DMD: variants seen among roughly 807,000 people sequenced by gnomAD.
DMD encodes mutant dystrophin.
DMD carries 63 observed loss-of-function variants against 330.1 expected under a neutral mutation model. The ratio of observed to expected loss-of-function variants is 0.19; its 90% CI spans 0.16 to 0.24. The LOEUF (loss-of-function observed/expected upper bound fraction) is 0.24. Among genes scored for constraint, DMD ranks in the 10% least tolerant of loss-of-function variants. DMD has a pLI of 1.00. For synonymous variants in DMD, 1,223 were observed against 959.8 expected (o/e 1.27, Z -5.07); for missense variants, 3,344 against 2,684.1 (o/e 1.25, Z -5.43).
intron 43 of DMD, among the ~76,000 whole-genome samples, chrX:32,250,098 T>G (rs974059916): frequency 8.9e-6 from 1 of 111,968 alleles, no homozygotes; most frequent in Non-Finnish European, 1.9e-5. Context: ...TATTTTCTGA[T>G]AGCAGAAATA....
chrX:32,624,977 C>A (rs895538844), intron 11 of DMD, among the ~76,000 whole-genome samples: 1 of 111,087 alleles, frequency 9.0e-6, no homozygotes, highest in Non-Finnish European at 1.9e-5. Flanking sequence ...TCGAAAGCAT[C>A]CTGGCCAACA....
chrX:31,366,485 AAAAAAAAAAAAC>A (rs2059247084), intron 60 of DMD, among the ~76,000 whole-genome samples: 1 of 100,680 alleles, frequency 9.9e-6, no homozygotes, highest in African/African-American at 3.7e-5. Context: ...AAAAAAAAAA[AAAAAAAAAAAAC>A]ATAAAAAAAA....
chrX:31,537,639 T>A (rs957190286), intron 55 of DMD, among the ~76,000 whole-genome samples: 1 of 111,230 alleles, frequency 9.0e-6, no homozygotes, highest in Non-Finnish European at 1.9e-5. Context: ...TGAAATAACA[T>A]GACATGACTT....
chrX:31,997,114 G>T (rs2150342778), intron 44 of DMD, among the ~76,000 whole-genome samples: 1 of 111,527 alleles, frequency 9.0e-6, no homozygotes, highest in South Asian at 3.7e-4. Flanking sequence ...GAACCCTAAA[G>T]AAAATTCTGC....
chrX:31,256,741 CGTGT>C (rs35842618), intron 63 of DMD, among the ~76,000 whole-genome samples: 47 of 97,787 alleles, frequency 4.8e-4, no homozygotes, highest in Middle Eastern at 5.0e-3. Flanking sequence ...ATATGTGGGG[CGTGT>C]GTGTGTGTGT....
intron 55 of DMD, among the ~76,000 whole-genome samples, chrX:31,624,648 T>G (rs1296711440): frequency 2.7e-5 from 3 of 111,954 alleles, no homozygotes; most frequent in Non-Finnish European, 3.8e-5. Flanking sequence ...GGTAGACAGA[T>G]ATATCAAAAT....
At chrX:31,266,068 G>A (rs1313132894) in intron 62 of DMD, among the ~76,000 whole-genome samples, 2 of 101,165 alleles carry the variant, frequency 2.0e-5, no homozygotes, top group Non-Finnish European at 3.9e-5. Context: ...CTGGGATTGG[G>A]AGTGACAAAC....
intron 52 of DMD, among the ~76,000 whole-genome samples, chrX:31,711,854 T>C (rs1261385137): frequency 9.0e-6 from 1 of 111,504 alleles, no homozygotes; most frequent in Non-Finnish European, 1.9e-5. Flanking sequence ...ACTTGTTAGC[T>C]ACTTTATGTA....
rs981171028 is a variant in DMD, at chrX:32,317,480, ATTCTT to A, written c.5923-7209_5923-7205del. Among the ~76,000 whole-genome samples, 41 of 111,613 alleles carry A rather than the reference ATTCTT, an allele frequency of 3.7e-4. 1 individual carries two copies. Among genetic ancestry groups the A allele is most frequent in the African/African-American group, 1.3e-3 (40 of 30,833 alleles). On this transcript the variant is annotated intron_variant, in intron 41 of 78. Transcript: ENST00000357033. Reference sequence around the variant, plus strand: ...ATTCATCTGAAACTTAAGTTATCACATTCTTTTCATTACATAAAATTTGTTTCTTG... The same window carrying A: ...ATTCATCTGAAACTTAAGTTATCACATTCATTACATAAAATTTGTTTCTTG...
chrX:33,236,932 C>T (rs1014707684), intron 1 of DMD, among the ~76,000 whole-genome samples: 2 of 111,073 alleles, frequency 1.8e-5, no homozygotes, highest in African/African-American at 6.6e-5. Context: ...GCTCATTCCC[C>T]ATCCAACTGT....
chrX:32,451,401 T>TA (rs978960331), intron 26 of DMD, among the ~76,000 whole-genome samples: 5 of 109,198 alleles, frequency 4.6e-5, no homozygotes, highest in East Asian at 2.9e-4. Context: ...GAGTAAAAAT[T>TA]AAAAAAAAAT....
chrX:32,250,203 A>G (rs1048602095), intron 43 of DMD, among the ~76,000 whole-genome samples: 2 of 111,464 alleles, frequency 1.8e-5, no homozygotes, highest in South Asian at 3.8e-4. Context: ...TATTGCATAT[A>G]TCTCAGTGGG....
At chrX:32,622,323 A>C (rs1279277735) in intron 11 of DMD, among the ~76,000 whole-genome samples, 2 of 111,778 alleles carry the variant, frequency 1.8e-5, no homozygotes, top group African/African-American at 6.5e-5. Context: ...CACGAAAACA[A>C]AAAGCATTCA....
chrX:32,346,627 C>A (rs749696652), intron 38 of DMD, among the ~76,000 whole-genome samples: 10 of 111,048 alleles, frequency 9.0e-5, no homozygotes, highest in Admixed American at 8.7e-4. Flanking sequence ...GGAGAAATAT[C>A]AGGATATTAA....
chrX:33,090,355 T>C (rs2095068661), intron 1 of DMD, among the ~76,000 whole-genome samples: 1 of 108,809 alleles, frequency 9.2e-6, no homozygotes, highest in Non-Finnish European at 1.9e-5. Context: ...AGAATATTAT[T>C]CTATTCTATA....
intron 65 of DMD, among the ~76,000 whole-genome samples, chrX:31,208,875 A>G (rs1258681328): frequency 1.8e-5 from 2 of 110,989 alleles, no homozygotes; most frequent in African/African-American, 6.6e-5. Flanking sequence ...AGAACTGGGG[A>G]TATCTCCCTT....
intron 44 of DMD, among the ~76,000 whole-genome samples, chrX:32,045,864 C>G (rs1368276185): frequency 2.7e-5 from 3 of 112,449 alleles, no homozygotes; most frequent in African/African-American, 9.7e-5. Flanking sequence ...TAAACTGTTA[C>G]CTCTACTTAA....
chrX:33,205,921 C>G (rs2051545767), intron 1 of DMD, among the ~76,000 whole-genome samples: 1 of 111,168 alleles, frequency 9.0e-6, no homozygotes, highest in African/African-American at 3.3e-5. Context: ...TAAATATAAA[C>G]AAAAAACATC....
At chrX:32,591,742 C>T (rs1209976548) in intron 13 of DMD, among the ~76,000 whole-genome samples, 1 of 112,543 alleles carries the variant, frequency 8.9e-6, no homozygotes, top group African/African-American at 3.2e-5. Flanking sequence ...GGGTGGGAGC[C>T]CCATGCTTCC....
Sources: allele counts gnomAD v4.1 joint callset (sites outside exome capture counted in the v4.1 genomes callset), GRCh38; gene constraint gnomAD v4.1.1; transcripts MANE v1.5; gene names NCBI Gene and HGNC (gene_info 2026-07-23, HGNC 2026-07-21).